Variants in TENM3 observed in about 807,000 individuals in gnomAD.
TENM3 encodes teneurin transmembrane protein 3.
TENM3 carries 63 observed loss-of-function variants against 255.1 expected under a neutral mutation model. That is an observed-to-expected ratio of 0.25 (90% CI 0.20 to 0.30). The LOEUF (loss-of-function observed/expected upper bound fraction) is 0.30. Among genes scored for constraint, TENM3 ranks in the 10% least tolerant of loss-of-function variants. The pLI is 1.00. For missense variants in TENM3, 2,929 were observed against 3,461.1 expected, an observed-to-expected ratio of 0.85 and a Z score of 3.86; for synonymous variants, 1,306 against 1,322.3, an observed-to-expected ratio of 0.99 and a Z score of 0.27.
At chr4:181,546,346 G>C in the TENM3 span, among the ~76,000 whole-genome samples, 1 of 152,116 alleles carries the variant, frequency 6.6e-6, no homozygotes, top group South Asian at 2.1e-4. Context: ...TTAAAAATTA[G>C]CATTCTTCTG....
At chr4:181,681,712 T>C in the TENM3 span, among the ~76,000 whole-genome samples, 3 of 151,946 alleles carry the variant, frequency 2.0e-5, no homozygotes, top group Non-Finnish European at 4.4e-5. Flanking sequence ...GAAAATGAAA[T>C]TCACAGGCAA....
chr4:181,720,624 A>AT, the TENM3 span, among the ~76,000 whole-genome samples: 10 of 151,190 alleles, frequency 6.6e-5, no homozygotes, highest in Admixed American at 1.3e-4. Context: ...CCTTTGACTG[A>AT]TTTTTTTTTA....
the TENM3 span, among the ~76,000 whole-genome samples, chr4:181,561,111 G>A: frequency 2.0e-5 from 3 of 151,944 alleles, no homozygotes; most frequent in South Asian, 2.1e-4. Context: ...TGCCACCAAC[G>A]TCCGGCTAAT....
chr4:181,495,556 CGAGAGAGAGA>C, the TENM3 span, among the ~76,000 whole-genome samples: 7 of 148,774 alleles, frequency 4.7e-5, no homozygotes, highest in East Asian at 4.0e-4. Flanking sequence ...TTAGTATACA[CGAGAGAGAGA>C]GAGAGAGAGA....
At chr4:182,219,590 A>C (rs1441972347) in intron 1 of TENM3, among the ~76,000 whole-genome samples, 1 of 151,248 alleles carries the variant, frequency 6.6e-6, no homozygotes, top group East Asian at 2.0e-4. Context: ...GCTTGAGCTC[A>C]GGAGGCTGAG....
chr4:181,757,585 G>A, the TENM3 span, among the ~76,000 whole-genome samples: 1 of 152,146 alleles, frequency 6.6e-6, no homozygotes, highest in African/African-American at 2.4e-5. Flanking sequence ...CCTCATGCAT[G>A]CATTCCTACA....
chr4:182,549,182 A>G (rs1422085248), intron 3 of TENM3, among the ~76,000 whole-genome samples: 1 of 152,238 alleles, frequency 6.6e-6, no homozygotes, highest in African/African-American at 2.4e-5. Flanking sequence ...GCATGTGTGC[A>G]TGCTTGTGTG....
the TENM3 span, among the ~76,000 whole-genome samples, chr4:181,588,124 A>C: frequency 6.6e-6 from 1 of 152,154 alleles, no homozygotes; most frequent in Non-Finnish European, 1.5e-5. Context: ...CAAGTTGCCC[A>C]GTGGCCCACT....
chr4:182,252,988 T>G (rs1266039601), intron 1 of TENM3, among the ~76,000 whole-genome samples: 1 of 152,176 alleles, frequency 6.6e-6, no homozygotes, highest in Admixed American at 6.5e-5. Context: ...CTTGGCTATA[T>G]TTTCCCATGA....
At chr4:181,632,267 G>A in the TENM3 span, among the ~76,000 whole-genome samples, 2 of 152,022 alleles carry the variant, frequency 1.3e-5, no homozygotes, top group African/African-American at 4.8e-5. Flanking sequence ...GTCATATCTC[G>A]TGAGAACTAA....
At chr4:182,675,943 A>G (rs914150371) in intron 7 of TENM3, among the ~76,000 whole-genome samples, 11 of 152,146 alleles carry the variant, frequency 7.2e-5, no homozygotes, top group Non-Finnish European at 2.9e-5. Flanking sequence ...ACCACAATAT[A>G]TGTGTTTAAG....
chr4:181,555,278 A>G, the TENM3 span, among the ~76,000 whole-genome samples: 1 of 152,176 alleles, frequency 6.6e-6, no homozygotes, highest in South Asian at 2.1e-4. Context: ...AACGCCACAT[A>G]GCTAGTTACT....
chr4:182,257,869 G>A (rs1436648037), intron 1 of TENM3, among the ~76,000 whole-genome samples: 3 of 152,040 alleles, frequency 2.0e-5, no homozygotes, highest in African/African-American at 7.2e-5. Context: ...TACATCTAGT[G>A]GAAAAAGAAC....
At position 182,731,119 on chromosome 4, in the gene TENM3, C is replaced by T; in HGVS notation, c.2947C>T (p.Pro983Ser). The change falls in exon 16 of 28, where the codon CCC becomes TCC. Residue 983 changes from proline (P) to serine (S), a missense_variant. Around this residue, in one of 6 missense-constraint regions of TENM3, gnomAD observed 1,608 missense variants for 1,884.4 expected, o/e 0.85. Transcript: ENST00000511685. The stretch of plus-strand genomic sequence containing the variant: ...TTTCAGATCTTCTCCTGAAGACAGT[C>T]CCATCATTCCCGAAACACAGGTAAA... ...TFFRSSPEDS[P>S]IIPETQVLHE... 1 of 1,613,550 alleles carries T rather than the reference C, an allele frequency of 6.2e-7. No individual in the cohort carries two copies. The highest frequency in any genetic ancestry group is 8.5e-7 in the Non-Finnish European group (1 of 1,179,710).
At chr4:181,551,838 A>G in the TENM3 span, among the ~76,000 whole-genome samples, 7 of 138,966 alleles carry the variant, frequency 5.0e-5, no homozygotes, top group South Asian at 2.3e-4. Context: ...ATATATGTAT[A>G]TGTGTGTGTG....
the TENM3 span, among the ~76,000 whole-genome samples, chr4:182,100,680 C>CACATATATATACACATATAT: frequency 3.6e-5 from 1 of 27,776 alleles, no homozygotes; most frequent in Non-Finnish European, 8.3e-5. Context: ...CATATATATA[C>CACATATATATACACATATAT]ACACATATAT....
the TENM3 span, among the ~76,000 whole-genome samples, chr4:182,097,963 C>A: frequency 6.6e-6 from 1 of 152,012 alleles, no homozygotes; most frequent in South Asian, 2.1e-4. Flanking sequence ...AAGCCTAGCA[C>A]TCAAACAACT....
chr4:181,456,169 G>GTATATA, the TENM3 span, among the ~76,000 whole-genome samples: 1 of 138,260 alleles, frequency 7.2e-6, no homozygotes, highest in Non-Finnish European at 1.5e-5. Flanking sequence ...ACACATGTGT[G>GTATATA]TGTATATATG....
the TENM3 span, among the ~76,000 whole-genome samples, chr4:181,997,074 G>T: frequency 6.6e-6 from 1 of 152,172 alleles, no homozygotes; most frequent in African/African-American, 2.4e-5. Flanking sequence ...TACAGATTTT[G>T]TGGAGAGGCA....
Sources: gnomAD v4.1 joint callset for allele counts (sites outside exome capture counted in the v4.1 genomes callset) on GRCh38, gnomAD v4.1.1 for gene constraint, gnomAD v4.1.1 regional missense constraint, MANE v1.5 for transcripts, NCBI Gene and HGNC (gene_info 2026-07-23, HGNC 2026-07-21) for gene names.